HTD2: variants seen among roughly 807,000 people sequenced by gnomAD.
The protein encoded by HTD2 is hydroxyacyl-thioester dehydratase type 2, mitochondrial.
In HTD2, 1 loss-of-function variant was observed where a neutral mutation model predicts 3.1. The ratio of observed to expected loss-of-function variants is 0.32; its 90% confidence interval spans 0.11 to 1.52. HTD2 has a LOEUF of 1.52. Ranked by LOEUF, HTD2 falls within the 40% of genes most tolerant of loss-of-function variation. HTD2 has a pLI of 0.39. For synonymous variants in HTD2, 50 were observed against 28.9 expected (o/e 1.73, Z -2.34); for missense variants, 150 against 79.6 (o/e 1.88, Z -3.36).
In HTD2 at chr3:58,319,806, T is replaced by A. The variant is rs1224487854; in HGVS notation, c.*1686T>A. ...ACTTTTGTTTCCCATTTTTTTTTGT[T>A]TCCCGTTTTTTAATAAAATTGAGAT... is the stretch of plus-strand genomic sequence containing the variant. On this transcript the variant is annotated 3_prime_UTR_variant, in exon 5 of 5. Coordinates refer to ENST00000461393, the MANE Select transcript of HTD2 (RefSeq NM_001348712.2). The A allele has an allele frequency of 2.0e-5, 3 of 152,170 alleles. No homozygotes were observed. Among genetic ancestry groups the A allele is most frequent in the East Asian group, 1.9e-4 (1 of 5,200 alleles). The allele number at this position is 152,170 out of a possible 1,614,324, so 9.4% of individuals were successfully genotyped here.
At chr3:58,306,937 CG>C in intron 1 of HTD2, among the ~76,000 whole-genome samples, 1 of 151,952 alleles carries the variant, frequency 6.6e-6, no homozygotes. Flanking sequence ...AAAGCAGGGA[CG>C]GGGCATGGGG....
At chr3:58,314,910 C>T (rs2097486700) in intron 2 of HTD2, among the ~76,000 whole-genome samples, 1 of 152,030 alleles carries the variant, frequency 6.6e-6, no homozygotes, top group South Asian at 2.1e-4. Flanking sequence ...TGGTCTCAAT[C>T]TCTTGACCTT....
At chr3:58,312,172 A>C (rs1250623391) in intron 2 of HTD2, among the ~76,000 whole-genome samples, 2 of 152,136 alleles carry the variant, frequency 1.3e-5, no homozygotes, top group Non-Finnish European at 2.9e-5. Context: ...GTTTTTTGGG[A>C]AACCTCCATA....
intron 2 of HTD2, among the ~76,000 whole-genome samples, chr3:58,313,245 C>T (rs1278288344): frequency 1.3e-5 from 2 of 151,968 alleles, no homozygotes; most frequent in Admixed American, 6.6e-5. Flanking sequence ...GGCGACAGAG[C>T]GAGACTCGGT....
At chr3:58,312,894 G>A (rs2097483827) in intron 2 of HTD2, among the ~76,000 whole-genome samples, 1 of 149,158 alleles carries the variant, frequency 6.7e-6, no homozygotes, top group Admixed American at 6.8e-5. Flanking sequence ...CTGGGAGGCA[G>A]AGGTTGCAGT....
Position 58,317,455 on chromosome 3 carries a change from C to T in HTD2, c.-159C>T. 6.2e-7 allele frequency: 1 copy of T among 1,600,604 alleles called. No homozygotes were observed. The highest frequency in any genetic ancestry group is 8.6e-7 in the Non-Finnish European group (1 of 1,168,884). On this transcript the variant is annotated 5_prime_UTR_variant, in exon 5 of 5. Coordinates refer to ENST00000461393, the MANE Select transcript of HTD2 (RefSeq NM_001348712.2). ...TCTCTTCTAGGTTTCTCCATTTCTT[C>T]TTGCATTATCTGGTAATAGTAGGGA...
intron 1 of HTD2, 99 bp from the exon 2 acceptor site, chr3:58,310,408 T>C (rs778980854): frequency 4.9e-5 from 79 of 1,613,574 alleles, no homozygotes; most frequent in Non-Finnish European, 6.6e-5. Context: ...AGTCTGCCTG[T>C]AAGTTTAGTT....
At chr3:58,308,179 T>C (rs1433136779) in intron 1 of HTD2, among the ~76,000 whole-genome samples, 1 of 152,232 alleles carries the variant, frequency 6.6e-6, no homozygotes, top group East Asian at 1.9e-4. Flanking sequence ...CAGGTAACTA[T>C]TTCCGCTGTC....
chr3:58,314,114 G>A (rs1398635461), intron 2 of HTD2, among the ~76,000 whole-genome samples: 1 of 152,238 alleles, frequency 6.6e-6, no homozygotes, highest in East Asian at 1.9e-4. Flanking sequence ...ACTTTGGGAG[G>A]CCGAGGTGGG....
chr3:58,317,703 C>G lies in HTD2; in HGVS notation c.90C>G (p.His30Gln). ...ACCTGCCAGTGCTGACCCTGCAGCA[C>G]TTTCAGCATATGCACATCAAAGTTG... The part of the protein sequence containing the change: ...CLNLPVLTLQ[H>Q]FQHMHIKVGD... The change falls in exon 5 of 5, where the codon CAC (histidine) becomes CAG (glutamine). Residue 30 changes from histidine to glutamine, a missense_variant. Transcript: ENST00000461393. The G allele has an allele frequency of 2.8e-6, 2 of 704,306 alleles. No individual in the cohort carries two copies. Among genetic ancestry groups the G allele is most frequent in the Non-Finnish European group, 5.2e-6 (2 of 385,234 alleles). 43.6% of individuals were successfully genotyped at this position (704,306 alleles called of 1,614,324 possible).
chr3:58,310,573 G>A lies in HTD2; in HGVS notation c.-349G>A. On this transcript the variant is annotated 5_prime_UTR_variant, in exon 2 of 5. The change abolishes the stop of an existing upstream ORF in the 5' untranslated region. Coordinates refer to ENST00000461393, the MANE Select transcript of HTD2 (RefSeq NM_001348712.2). ...TCAAACAGCTGCTTATTTCGGCTGT[G>A]AAGGACCTGTTTGGGGAGGTATGGA... is the stretch of plus-strand genomic sequence containing the variant. The A allele has an allele frequency of 6.2e-7, 1 of 1,612,684 alleles. No homozygotes were observed. The highest frequency in any genetic ancestry group is 8.5e-7 in the Non-Finnish European group (1 of 1,179,522).
At chr3:58,315,004 T>C (rs1273765440) in intron 2 of HTD2, among the ~76,000 whole-genome samples, 1 of 152,010 alleles carries the variant, frequency 6.6e-6, no homozygotes, top group Non-Finnish European at 1.5e-5. Context: ...TTTAACAAAC[T>C]AAACGTGCAT....
chr3:58,308,221 C>T (rs1306834196), intron 1 of HTD2, among the ~76,000 whole-genome samples: 2 of 152,068 alleles, frequency 1.3e-5, no homozygotes, highest in African/African-American at 2.4e-5. Context: ...AATATATAGG[C>T]CTATACCACT....
intron 2 of HTD2, among the ~76,000 whole-genome samples, chr3:58,312,763 C>T (rs999152084): frequency 2.6e-5 from 4 of 151,994 alleles, no homozygotes; most frequent in African/African-American, 9.7e-5. Flanking sequence ...GAGTTTGAGA[C>T]TAGCCTGGCC....
chr3:58,317,437 T>C lies in HTD2; in HGVS notation c.-174-3T>C. ...TGCCTTAACCTTTTTCTTTCTCTTCTAGGTTTCTCCATTTCTTCTTGCATT... is the reference window on the plus strand; with the variant it reads ...TGCCTTAACCTTTTTCTTTCTCTTCCAGGTTTCTCCATTTCTTCTTGCATT... On this transcript the variant is annotated splice_polypyrimidine_tract_variant and splice_region_variant and intron_variant, in intron 4 of 4. Transcript: ENST00000461393. 1 of 1,589,582 alleles carries C rather than the reference T, an allele frequency of 6.3e-7. No homozygotes were observed. The highest frequency in any genetic ancestry group is 1.1e-5 in the South Asian group (1 of 90,340).
Position 58,310,375 on chromosome 3 carries a change from C to T in HTD2, c.-415-132C>T, listed in dbSNP as rs1305592089. ...ATATGAAAGAGTAGTTTACAAAAAC[C>T]CTTCCGAGTACCACTACATGAAAGT... is the stretch of plus-strand genomic sequence containing the variant. On this transcript the variant is annotated intron_variant, in intron 1 of 4. Transcript: ENST00000461393. The T allele has an allele frequency of 3.1e-6, 5 of 1,614,152 alleles. No individual in the cohort carries two copies. The South Asian group carries it at 4.4e-5, about 14-fold the overall frequency.
chr3:58,319,661 A>G lies in HTD2; in HGVS notation c.*1541A>G, dbSNP rs550716620. 5.9e-5 allele frequency: 9 copies of G among 152,146 alleles called. 1 individual carries two copies. In the South Asian group the frequency reaches 1.9e-3, roughly 32 times the overall value. 9.4% of individuals were successfully genotyped at this position (152,146 alleles called of 1,614,324 possible). On this transcript the variant is annotated 3_prime_UTR_variant, in exon 5 of 5. Transcript: ENST00000461393. ...AAAAAAAAAATTGTAAGAAATAAAT[A>G]TTAAGAAGATTATGGAGGCCAAATT...
chr3:58,310,290 C>G (rs780311677), intron 1 of HTD2: 14 of 1,568,546 alleles, frequency 8.9e-6, no homozygotes, highest in Admixed American at 5.0e-5. Flanking sequence ...TCATTTCTAG[C>G]CCTCTTGACT....
intron 4 of HTD2, 104 bp from the exon 5 acceptor site, chr3:58,317,336 C>A: frequency 1.4e-6 from 1 of 740,142 alleles, no homozygotes; most frequent in Non-Finnish European, 2.3e-6. Flanking sequence ...TAAAATGCTC[C>A]TGCATCAGCT....
Sources: gnomAD v4.1 joint callset for allele counts (sites outside exome capture counted in the v4.1 genomes callset) on GRCh38, gnomAD v4.1.1 for gene constraint, MANE v1.5 for transcripts, NCBI Gene and HGNC (gene_info 2026-07-23, HGNC 2026-07-21) for gene names.